The following MGLL variants were observed in gnomAD, a reference collection of about 807,000 sequenced individuals.
The protein encoded by MGLL is lysophospholipase homolog.
Under a neutral mutation model 29.1 loss-of-function variants are expected in MGLL, and 7 were observed. The observed-to-expected ratio is 0.24, with a 90% CI of 0.14 to 0.45. The LOEUF (loss-of-function observed/expected upper bound fraction) is 0.45, where lower values mean the gene tolerates loss of function less well. MGLL is among the 20% of genes least tolerant of loss of function. The pLI, the probability that MGLL is intolerant of heterozygous loss-of-function variation, is 0.99. For missense variants in MGLL, 356 were observed against 413.6 expected, an observed-to-expected ratio of 0.86 and a Z score of 1.21; for synonymous variants, 148 against 168.3, an observed-to-expected ratio of 0.88 and a Z score of 0.93.
chr3:127,702,282 C>T (rs928432036), intron 6 of MGLL, among the ~76,000 whole-genome samples: 14 of 152,144 alleles, frequency 9.2e-5, no homozygotes, highest in South Asian at 4.1e-4. Context: ...GAGTGGGAAC[C>T]CTGAGAAAGT....
intron 2 of MGLL, among the ~76,000 whole-genome samples, chr3:127,792,079 G>C (rs959008018): frequency 6.6e-6 from 1 of 152,010 alleles, no homozygotes; most frequent in East Asian, 1.9e-4. Context: ...AAAAACAAAC[G>C]AACAAACATG....
At chr3:127,737,546 C>T (rs948321496) in intron 3 of MGLL, among the ~76,000 whole-genome samples, 24 of 150,856 alleles carry the variant, frequency 1.6e-4, no homozygotes, top group African/African-American at 4.1e-4. Flanking sequence ...CTGTATTCTC[C>T]GCACTGGAAC....
intron 5 of MGLL, among the ~76,000 whole-genome samples, chr3:127,718,466 A>C (rs1310322171): frequency 6.6e-6 from 1 of 152,176 alleles, no homozygotes; most frequent in Non-Finnish European, 1.5e-5. Flanking sequence ...AAGAGCAAAC[A>C]ACTGGAAATG....
At chr3:127,744,320 C>A (rs1483213865) in intron 3 of MGLL, among the ~76,000 whole-genome samples, 2 of 152,208 alleles carry the variant, frequency 1.3e-5, no homozygotes, top group Admixed American at 6.5e-5. Context: ...TGGCATCTAG[C>A]AAGATGATCT....
In MGLL at chr3:127,784,594, C is replaced by T. The variant is rs114077305; in HGVS notation, c.156-2699G>A. Among the ~76,000 whole-genome samples, 528 of 152,214 alleles carry T rather than the reference C, an allele frequency of 3.5e-3. 5 individuals are homozygous for T. The highest frequency in any genetic ancestry group is 0.012 in the African/African-American group (512 of 41,528). On this transcript the variant is annotated intron_variant, in intron 2 of 7. Transcript: ENST00000265052. ...CCCTTCTCTCTGCACAGGAAGAGCC[C>T]GTTGGCAGCACCTGTAGGCTTAGCC...
At chr3:127,729,876 C>CT (rs2076116969) in intron 3 of MGLL, among the ~76,000 whole-genome samples, 1 of 152,192 alleles carries the variant, frequency 6.6e-6, no homozygotes, top group Non-Finnish European at 1.5e-5. Flanking sequence ...TGCTTTGACT[C>CT]TGATGGTAAT....
chr3:127,769,765 A>G (rs954810434), intron 3 of MGLL, among the ~76,000 whole-genome samples: 9 of 152,234 alleles, frequency 5.9e-5, no homozygotes, highest in African/African-American at 2.2e-4. Context: ...GTGAGTTTCA[A>G]TAAATACTTG....
intron 3 of MGLL, among the ~76,000 whole-genome samples, chr3:127,750,440 A>C (rs1359381558): frequency 6.6e-6 from 1 of 152,122 alleles, no homozygotes; most frequent in Non-Finnish European, 1.5e-5. Context: ...CTCATTCTCT[A>C]ACTTCAGAAG....
At chr3:127,821,374 G>C (rs1483449113) in intron 2 of MGLL, among the ~76,000 whole-genome samples, 3 of 152,108 alleles carry the variant, frequency 2.0e-5, no homozygotes, top group Non-Finnish European at 4.4e-5. Context: ...TGTCGGGTTT[G>C]ATTTTAAATG....
intron 3 of MGLL, among the ~76,000 whole-genome samples, chr3:127,724,018 G>A (rs940078231): frequency 2.6e-5 from 4 of 152,204 alleles, no homozygotes; most frequent in Non-Finnish European, 5.9e-5. Flanking sequence ...AAGATGCAGG[G>A]AGATGGCAGC....
intron 3 of MGLL, among the ~76,000 whole-genome samples, chr3:127,751,760 T>A (rs75350089): frequency 6.6e-6 from 1 of 151,932 alleles, no homozygotes; most frequent in African/African-American, 2.4e-5. Context: ...CCCCAAAAAA[T>A]AAAATAAAAC....
chr3:127,792,714 A>G (rs1419444041), intron 2 of MGLL, among the ~76,000 whole-genome samples: 1 of 152,100 alleles, frequency 6.6e-6, no homozygotes, highest in East Asian at 1.9e-4. Context: ...AAGAAAAAAA[A>G]AAAATCCCTG....
intron 2 of MGLL, among the ~76,000 whole-genome samples, chr3:127,804,145 A>G (rs1295367671): frequency 1.3e-5 from 2 of 152,266 alleles, no homozygotes; most frequent in South Asian, 2.1e-4. Flanking sequence ...GGTGGCGTGT[A>G]AACAATCAAG....
At chr3:127,738,685 G>A (rs954999428) in intron 3 of MGLL, among the ~76,000 whole-genome samples, 1 of 152,202 alleles carries the variant, frequency 6.6e-6, no homozygotes, top group Non-Finnish European at 1.5e-5. Flanking sequence ...TGGGGGAGAA[G>A]GCCAGTCCAG....
chr3:127,770,260 G>A (rs377533328), intron 3 of MGLL, among the ~76,000 whole-genome samples: 2 of 152,050 alleles, frequency 1.3e-5, no homozygotes, highest in East Asian at 1.9e-4. Context: ...GGCCTCAAGC[G>A]ATCCTCCCAC....
At chr3:127,723,512 G>C (rs555537941) in intron 3 of MGLL, among the ~76,000 whole-genome samples, 4 of 151,970 alleles carry the variant, frequency 2.6e-5, no homozygotes, top group Non-Finnish European at 5.9e-5. Context: ...CCAAGCTCCC[G>C]TGTTTCCCAC....
intron 4 of MGLL, 48 bp from the exon 5 acceptor site, chr3:127,721,211 C>T: frequency 6.6e-7 from 1 of 1,509,932 alleles, no homozygotes. Context: ...TGCACCAGTG[C>T]ACACATTTCT....
At position 127,692,094 on chromosome 3, in the gene MGLL, ATT is replaced by A. The variant is rs11433015; in HGVS notation, c.*102_*103del. On this transcript the variant is annotated 3_prime_UTR_variant, in exon 8 of 8. Transcript: ENST00000265052. ...GTGCTAAGGATTTCTCCAATTTCTG[ATT>A]TTTTTTTTTTTTTTTTTTTGGCAAG... 8.7e-3 allele frequency: 6,142 copies of A among 706,470 alleles called. 6 individuals are homozygous for A. The highest frequency in any genetic ancestry group is 0.015 in the East Asian group (378 of 24,728). 43.8% of individuals were successfully genotyped at this position (706,470 alleles called of 1,614,324 possible). A position where few individuals can be genotyped will look rare whatever the true frequency, so the allele number is the denominator to read the frequency against.
In MGLL at chr3:127,766,276, T is replaced by C. The variant is rs1287816660; in HGVS notation, c.262+15513A>G. ...GGATTCCTGAGGCAGTAACCAGGTC[T>C]GTGTGATTTCCTCATTCCACACCCA... On this transcript the variant is annotated intron_variant, in intron 3 of 7. Coordinates refer to ENST00000265052, the MANE Select transcript of MGLL (RefSeq NM_007283.7). 2.0e-5 allele frequency among the ~76,000 whole-genome samples: 3 copies of C among 152,224 alleles called. No individual in the cohort carries two copies. In the East Asian group the frequency reaches 5.8e-4, roughly 29 times the overall value.
Sources: allele counts gnomAD v4.1 joint callset (sites outside exome capture counted in the v4.1 genomes callset), GRCh38; gene constraint gnomAD v4.1.1; transcripts MANE v1.5; gene names NCBI Gene and HGNC (gene_info 2026-07-23, HGNC 2026-07-21).